The following KCNC2 variants were observed in gnomAD, a reference collection of about 807,000 sequenced individuals.
KCNC2 encodes voltage-gated potassium channel KCNC2.
KCNC2 carries 21 observed loss-of-function variants against 44.5 expected under a neutral mutation model. The ratio of observed to expected loss-of-function variants is 0.47; its 90% confidence interval spans 0.33 to 0.68. KCNC2 has a LOEUF of 0.68. KCNC2 is among the 30% of genes least tolerant of loss of function. The pLI, the probability that KCNC2 is intolerant of heterozygous loss-of-function variation, is 0.01. For synonymous variants in KCNC2, 391 were observed against 339.1 expected, an observed-to-expected ratio of 1.15 and a Z score of -1.68; for missense variants, 589 against 826.2, an observed-to-expected ratio of 0.71 and a Z score of 3.52.
chr12:75,193,979 T>A (rs1056398391), intron 2 of KCNC2, among the ~76,000 whole-genome samples: 1 of 152,100 alleles, frequency 6.6e-6, no homozygotes, highest in African/African-American at 2.4e-5. Flanking sequence ...AATTTTCCAA[T>A]TAGTATCTTC....
At chr12:75,121,298 G>A (rs887532379) in intron 2 of KCNC2, among the ~76,000 whole-genome samples, 11 of 152,164 alleles carry the variant, frequency 7.2e-5, no homozygotes, top group African/African-American at 2.7e-4. Context: ...TCCAATGTCA[G>A]CTGATTTAGG....
At chr12:75,069,211 C>T (rs973746989) in intron 2 of KCNC2, among the ~76,000 whole-genome samples, 4 of 128,120 alleles carry the variant, frequency 3.1e-5, no homozygotes, top group South Asian at 2.6e-4. Flanking sequence ...CTCGGCTCAC[C>T]GCAACCTCCA....
intron 2 of KCNC2, among the ~76,000 whole-genome samples, chr12:75,149,203 CTG>C (rs139987500): frequency 7.3e-5 from 11 of 149,702 alleles, no homozygotes; most frequent in African/African-American, 7.3e-5. Flanking sequence ...GTATTTGTGT[CTG>C]TGTGTGTGTG....
chr12:75,057,748 G>T (rs1881899452), intron 2 of KCNC2, among the ~76,000 whole-genome samples: 1 of 151,198 alleles, frequency 6.6e-6, no homozygotes, highest in Admixed American at 6.6e-5. Context: ...ATATTATAAA[G>T]ATTGTTATAG....
At chr12:75,131,137 C>T (rs1370655434) in intron 2 of KCNC2, among the ~76,000 whole-genome samples, 2 of 151,994 alleles carry the variant, frequency 1.3e-5, no homozygotes, top group African/African-American at 4.8e-5. Context: ...AGCGAAAATG[C>T]CTTAACTAAT....
chr12:75,151,885 G>T (rs568368092), intron 2 of KCNC2, among the ~76,000 whole-genome samples: 8 of 143,272 alleles, frequency 5.6e-5, no homozygotes, highest in African/African-American at 2.1e-4. Flanking sequence ...CTAGAATGTA[G>T]TAGAAAGGGT....
intron 2 of KCNC2, among the ~76,000 whole-genome samples, chr12:75,075,979 G>T (rs891898260): frequency 6.6e-6 from 1 of 150,730 alleles, no homozygotes; most frequent in Non-Finnish European, 1.5e-5. Flanking sequence ...TTGGTCCAAA[G>T]ATTTTTCAAA....
chr12:75,120,378 G>A (rs1042447279), intron 2 of KCNC2, among the ~76,000 whole-genome samples: 4 of 152,174 alleles, frequency 2.6e-5, no homozygotes, highest in Non-Finnish European at 5.9e-5. Flanking sequence ...ACTCCCCGCT[G>A]CTGGCATACC....
chr12:75,085,651 A>G (rs1884936498), intron 2 of KCNC2, among the ~76,000 whole-genome samples: 1 of 152,058 alleles, frequency 6.6e-6, no homozygotes, highest in African/African-American at 2.4e-5. Context: ...ACATATCTTC[A>G]ATGAATGAAT....
chr12:75,042,248 G>A lies in KCNC2; in HGVS notation c.*857C>T. On this transcript the variant is annotated 3_prime_UTR_variant, in exon 5 of 5. Transcript: ENST00000549446. ...AGTCTAGAACCAAGCAGCAATTTCT[G>A]GCTAAACAATGCAAGCCTGGCTGGC... 3 of 1,591,916 alleles carry A rather than the reference G, an allele frequency of 1.9e-6. No homozygotes were observed. The highest frequency in any genetic ancestry group is 1.7e-6 in the Non-Finnish European group (2 of 1,170,964).
At chr12:75,066,123 GTCT>G (rs1250048113) in intron 2 of KCNC2, among the ~76,000 whole-genome samples, 3 of 151,904 alleles carry the variant, frequency 2.0e-5, no homozygotes, top group African/African-American at 7.3e-5. Flanking sequence ...ATTTTTCACC[GTCT>G]TCTTTATCAT....
At chr12:75,068,296 A>G (rs1883037755) in intron 2 of KCNC2, among the ~76,000 whole-genome samples, 1 of 152,190 alleles carries the variant, frequency 6.6e-6, no homozygotes, top group Non-Finnish European at 1.5e-5. Context: ...AAATCGGTCT[A>G]TGTTTTTGTA....
At position 75,050,432 on chromosome 12, in the gene KCNC2, A is replaced by G; in HGVS notation, c.1573T>C (p.Cys525Arg). ...MACNSTQSDT[C>R]LGKDNRLLEH... ...AGAAGTCGATTGTCTTTGCCCAGAC[A>G]TGTGTCACTCTGTGTACTATTGCAG... The change falls in exon 3 of 5, where the codon TGT (cysteine) becomes CGT (arginine). Residue 525 changes from cysteine (C) to arginine (R), a missense_variant. Cys to Arg is a radical substitution (Grantham distance 180). This residue lies in a region of KCNC2 where 171 missense variants were observed against 182.4 expected (regional missense o/e 0.94). Coordinates refer to ENST00000549446, the MANE Select transcript of KCNC2 (RefSeq NM_139137.4). The G allele has an allele frequency of 6.2e-7, 1 of 1,613,354 alleles. No individual in the cohort carries two copies. Among genetic ancestry groups the G allele is most frequent in the Non-Finnish European group, 8.5e-7 (1 of 1,179,600 alleles).
intron 2 of KCNC2, among the ~76,000 whole-genome samples, chr12:75,075,783 T>C (rs2137056422): frequency 6.6e-6 from 1 of 152,188 alleles, no homozygotes; most frequent in Admixed American, 6.5e-5. Context: ...AATAAGTGTA[T>C]CTGGAAAGAA....
chr12:75,119,468 T>C (rs532365394), intron 2 of KCNC2, among the ~76,000 whole-genome samples: 1 of 152,364 alleles, frequency 6.6e-6, no homozygotes, highest in African/African-American at 2.4e-5. Context: ...ATTATAATAA[T>C]TGTTATCTTC....
At chr12:75,070,468 C>A (rs1252218787) in intron 2 of KCNC2, among the ~76,000 whole-genome samples, 2 of 146,428 alleles carry the variant, frequency 1.4e-5, no homozygotes, top group African/African-American at 5.3e-5. Context: ...AAAAAAAAGT[C>A]ACTTTTTATA....
intron 2 of KCNC2, among the ~76,000 whole-genome samples, chr12:75,203,892 A>C (rs903036176): frequency 3.3e-5 from 5 of 151,900 alleles, no homozygotes; most frequent in Non-Finnish European, 7.4e-5. Flanking sequence ...AAACTCTATC[A>C]AGGAATTTCT....
chr12:75,138,295 C>G (rs1376968971), intron 2 of KCNC2, among the ~76,000 whole-genome samples: 1 of 152,160 alleles, frequency 6.6e-6, no homozygotes, highest in Non-Finnish European at 1.5e-5. Flanking sequence ...ATTGTTCTCA[C>G]TTTCTTAATC....
At chr12:75,050,348 C>A in intron 3 of KCNC2, 42 bp downstream of exon 3, 1 of 1,376,634 alleles carries the variant, frequency 7.3e-7, no homozygotes, top group South Asian at 1.3e-5. Flanking sequence ...ACATACTGGT[C>A]TATAAAGTAT....
Sources: allele counts gnomAD v4.1 joint callset (sites outside exome capture counted in the v4.1 genomes callset), GRCh38; gene constraint gnomAD v4.1.1; regional missense constraint gnomAD v4.1.1; transcripts MANE v1.5; gene names NCBI Gene and HGNC (gene_info 2026-07-23, HGNC 2026-07-21).